ARHGEF10: variants seen among roughly 807,000 people sequenced by gnomAD.
ARHGEF10 encodes Rho guanine nucleotide exchange factor (GEF) 10.
Under a neutral mutation model 147.4 loss-of-function variants are expected in ARHGEF10, and 140 were observed. The observed-to-expected ratio is 0.95, with a 90% CI of 0.83 to 1.09. The LOEUF is 1.09. Among genes scored for constraint, ARHGEF10 ranks in the 50% least tolerant of loss-of-function variants. ARHGEF10 has a pLI of 0.00. For synonymous variants in ARHGEF10, 902 were observed against 695.8 expected (o/e 1.30, Z -4.67); for missense variants, 2,222 against 1,752.7 (o/e 1.27, Z -4.78).
At chr8:1,873,751 G>T (rs1051444548) in intron 7 of ARHGEF10, among the ~76,000 whole-genome samples, 4 of 152,034 alleles carry the variant, frequency 2.6e-5, no homozygotes, top group Admixed American at 6.6e-5. Context: ...GTGCCGCGGG[G>T]TAGTGCACCC....
At chr8:1,852,817 A>AGG (rs1805248764) in intron 2 of ARHGEF10, among the ~76,000 whole-genome samples, 2 of 152,228 alleles carry the variant, frequency 1.3e-5, no homozygotes, top group Admixed American at 6.5e-5. Context: ...GGCAGCCCCA[A>AGG]TGGCCCTGCT....
chr8:1,851,103 C>T (rs769792857), intron 2 of ARHGEF10, among the ~76,000 whole-genome samples: 1 of 151,860 alleles, frequency 6.6e-6, no homozygotes, highest in Non-Finnish European at 1.5e-5. Context: ...ATGGTGCATC[C>T]ATGTCATTAC....
chr8:1,865,436 G>C (rs902328815), intron 5 of ARHGEF10, among the ~76,000 whole-genome samples: 8 of 149,206 alleles, frequency 5.4e-5, no homozygotes, highest in Admixed American at 3.3e-4. Context: ...CAGCACCCAG[G>C]GGGCCATCAC....
intron 27 of ARHGEF10, among the ~76,000 whole-genome samples, chr8:1,950,730 G>GTTTTTTTT (rs71211528): frequency 7.4e-5 from 8 of 108,462 alleles, no homozygotes; most frequent in Non-Finnish European, 1.1e-4. Flanking sequence ...TGTTTTTTAG[G>GTTTTTTTT]TTTTTTTTTT....
intron 1 of ARHGEF10, among the ~76,000 whole-genome samples, chr8:1,832,811 C>G (rs1389894636): frequency 8.8e-5 from 6 of 68,046 alleles, no homozygotes; most frequent in Non-Finnish European, 1.1e-4. Context: ...GAGGCAGAGA[C>G]AGAGGCAGAG....
At chr8:1,874,668 A>G (rs1807499553) in intron 7 of ARHGEF10, among the ~76,000 whole-genome samples, 1 of 151,686 alleles carries the variant, frequency 6.6e-6, no homozygotes, top group Non-Finnish European at 1.5e-5. Context: ...CAGGGTGTGT[A>G]GGGGGTAGAG....
At chr8:1,924,637 A>T (rs773527719) in intron 21 of ARHGEF10, among the ~76,000 whole-genome samples, 6 of 152,228 alleles carry the variant, frequency 3.9e-5, no homozygotes, top group Non-Finnish European at 5.9e-5. Flanking sequence ...CTTTGTGCTC[A>T]CTTGATGAGG....
chr8:1,833,268 G>A (rs1427522832), intron 1 of ARHGEF10, among the ~76,000 whole-genome samples: 5 of 125,780 alleles, frequency 4.0e-5, no homozygotes, highest in Non-Finnish European at 8.2e-5. Flanking sequence ...AGAGGCAGAG[G>A]CAGAGACAGA....
In ARHGEF10 at chr8:1,941,833, C is replaced by G. The variant is rs558213194; in HGVS notation, c.3223-3648C>G. Among the ~76,000 whole-genome samples the G allele has an allele frequency of 5.3e-5, 8 of 152,330 alleles. No homozygotes were observed. The East Asian group carries it at 5.8e-4, about 11-fold the overall frequency. On this transcript the variant is annotated intron_variant, in intron 26 of 28. Coordinates refer to ENST00000349830, the MANE Select transcript of ARHGEF10 (RefSeq NM_014629.4). ...CATAATTTTCAACACGGTGCCAAAA[C>G]TATTCCATTTGAATGTTGAATGGCC...
chr8:1,925,858 C>T (rs942748943), intron 22 of ARHGEF10, among the ~76,000 whole-genome samples: 2 of 152,220 alleles, frequency 1.3e-5, no homozygotes, highest in African/African-American at 4.8e-5. Flanking sequence ...GTTGCTGACT[C>T]AGGCATCACA....
chr8:1,862,936 G>A (rs980099408), intron 4 of ARHGEF10, among the ~76,000 whole-genome samples: 3 of 151,434 alleles, frequency 2.0e-5, no homozygotes, highest in Non-Finnish European at 2.9e-5. Flanking sequence ...CCGCCACCAC[G>A]CCCGGCTAAT....
At chr8:1,936,846 G>A (rs985268026) in intron 26 of ARHGEF10, among the ~76,000 whole-genome samples, 2 of 152,178 alleles carry the variant, frequency 1.3e-5, no homozygotes, top group South Asian at 4.1e-4. Flanking sequence ...GAGCTGCCAC[G>A]TGGACACCGC....
chr8:1,832,235 C>G (rs920750017), intron 1 of ARHGEF10, among the ~76,000 whole-genome samples: 1 of 45,498 alleles, frequency 2.2e-5, no homozygotes, highest in East Asian at 3.5e-4. Flanking sequence ...GGAGGAGTTG[C>G]GGTGGGCGGG....
At chr8:1,837,278 T>A (rs780365330) in intron 1 of ARHGEF10, among the ~76,000 whole-genome samples, 3 of 152,066 alleles carry the variant, frequency 2.0e-5, no homozygotes, top group Non-Finnish European at 2.9e-5. Flanking sequence ...GGGCATGCTC[T>A]CTGCACAGGG....
At chr8:1,887,480 C>CCCTG in intron 11 of ARHGEF10, among the ~76,000 whole-genome samples, 2 of 133,854 alleles carry the variant, frequency 1.5e-5, no homozygotes, top group African/African-American at 5.4e-5. Context: ...TGTGAGGAGA[C>CCCTG]ACTGAGTGGG....
intron 15 of ARHGEF10, among the ~76,000 whole-genome samples, chr8:1,899,158 G>A (rs756760320): frequency 1.3e-5 from 2 of 152,138 alleles, no homozygotes; most frequent in Non-Finnish European, 1.5e-5. Context: ...CACAGCGGAC[G>A]GCCTCTAGGT....
chr8:1,914,238 G>A (rs1032906498), intron 18 of ARHGEF10, among the ~76,000 whole-genome samples: 2 of 152,238 alleles, frequency 1.3e-5, no homozygotes, highest in Non-Finnish European at 2.9e-5. Flanking sequence ...TTTTTAAAAC[G>A]TGAAACGGTT....
intron 1 of ARHGEF10, among the ~76,000 whole-genome samples, chr8:1,836,644 C>T (rs769277103): frequency 5.3e-5 from 8 of 152,088 alleles, no homozygotes; most frequent in Non-Finnish European, 8.8e-5. Context: ...CGCATGCTGC[C>T]GTGGGCTGTG....
intron 7 of ARHGEF10, chr8:1,876,168 A>G (rs11987969): frequency 0.019 from 5,106 of 268,718 alleles, 261 homozygotes; most frequent in African/African-American, 0.1. Context: ...CGACATGCCT[A>G]TCATCTGTCC....
Sources: allele counts gnomAD v4.1 joint callset (sites outside exome capture counted in the v4.1 genomes callset), GRCh38; gene constraint gnomAD v4.1.1; transcripts MANE v1.5; gene names NCBI Gene and HGNC (gene_info 2026-07-23, HGNC 2026-07-21).